RAPGEF6: variants seen among roughly 807,000 people sequenced by gnomAD.
RAPGEF6 encodes the protein Rap guanine nucleotide exchange factor 6, also known as PDZ domain containing guanine nucleotide exchange factor (GEF) 2.
RAPGEF6 carries 56 observed loss-of-function variants against 171.4 expected under a neutral mutation model. The observed-to-expected ratio is 0.33, with a 90% CI of 0.26 to 0.41. The LOEUF is 0.41. Ranked by LOEUF, RAPGEF6 falls within the 10% of genes least tolerant of loss-of-function variation. The probability of loss-of-function intolerance (pLI) is 1.00; values close to 1 mark genes in which losing one functional copy is unlikely to be tolerated. For synonymous variants in RAPGEF6, 692 were observed against 650.1 expected (o/e 1.06, Z -0.98); for missense variants, 1,674 against 1,921.4 (o/e 0.87, Z 2.41).
intron 1 of RAPGEF6, among the ~76,000 whole-genome samples, chr5:131,625,344 A>C (rs566104574): frequency 6.6e-6 from 1 of 152,308 alleles, no homozygotes; most frequent in Admixed American, 6.5e-5. Flanking sequence ...TTTATAGTTC[A>C]TTTCAAAGTT....
intron 3 of RAPGEF6, among the ~76,000 whole-genome samples, chr5:131,594,737 C>T (rs929843986): frequency 6.6e-6 from 1 of 152,168 alleles, no homozygotes; most frequent in South Asian, 2.1e-4. Context: ...TCAGGGTGCC[C>T]TGGATGTGAG....
At chr5:131,543,632 A>G (rs1185776154) in intron 6 of RAPGEF6, among the ~76,000 whole-genome samples, 2 of 152,186 alleles carry the variant, frequency 1.3e-5, no homozygotes, top group Non-Finnish European at 2.9e-5. Flanking sequence ...CGGTATTACA[A>G]TATCGTCATT....
intron 4 of RAPGEF6, among the ~76,000 whole-genome samples, chr5:131,583,082 G>A (rs1051613290): frequency 6.6e-6 from 1 of 152,150 alleles, no homozygotes; most frequent in Non-Finnish European, 1.5e-5. Context: ...GTCAATAACA[G>A]TCAACAACTC....
intron 1 of RAPGEF6, among the ~76,000 whole-genome samples, chr5:131,631,221 T>A (rs2150044222): frequency 6.6e-6 from 1 of 152,350 alleles, no homozygotes; most frequent in Non-Finnish European, 1.5e-5. Context: ...TTCTTAGTAA[T>A]ACAAATTTGT....
chr5:131,560,477 AG>A (rs1761529098), intron 5 of RAPGEF6, among the ~76,000 whole-genome samples: 1 of 152,268 alleles, frequency 6.6e-6, no homozygotes, highest in African/African-American at 2.4e-5. Context: ...AAGTAAAAGC[AG>A]TATTTCTTTT....
At chr5:131,558,254 C>T (rs1177675709) in intron 5 of RAPGEF6, among the ~76,000 whole-genome samples, 1 of 141,006 alleles carries the variant, frequency 7.1e-6, no homozygotes, top group Non-Finnish European at 1.5e-5. Context: ...TTGACTAAAA[C>T]TTCAAACTTA....
chr5:131,553,942 T>C (rs755937751), intron 5 of RAPGEF6, among the ~76,000 whole-genome samples: 3 of 148,328 alleles, frequency 2.0e-5, no homozygotes, highest in Admixed American at 6.7e-5. Flanking sequence ...AAGAAGATGA[T>C]AGAACAAGAC....
chr5:131,591,210 T>C (rs1024523873), intron 4 of RAPGEF6, among the ~76,000 whole-genome samples: 2 of 152,158 alleles, frequency 1.3e-5, no homozygotes, highest in Non-Finnish European at 2.9e-5. Flanking sequence ...AGTCTTACTT[T>C]AAAAGCCTAG....
At chr5:131,524,642 G>GAGAGAGAGAGAA (rs1278213860) in intron 6 of RAPGEF6, among the ~76,000 whole-genome samples, 3 of 144,924 alleles carry the variant, frequency 2.1e-5, no homozygotes, top group African/African-American at 8.0e-5. Flanking sequence ...GAGAGAGAGA[G>GAGAGAGAGAGAA]ACTTGCTCTG....
At chr5:131,614,058 G>C (rs1193786188) in intron 1 of RAPGEF6, among the ~76,000 whole-genome samples, 1 of 152,096 alleles carries the variant, frequency 6.6e-6, no homozygotes, top group Non-Finnish European at 1.5e-5. Context: ...GTGGTGGGTG[G>C]ATCACCTGAG....
intron 15 of RAPGEF6, among the ~76,000 whole-genome samples, chr5:131,482,301 T>A (rs745397356): frequency 7.2e-5 from 11 of 152,136 alleles, no homozygotes; most frequent in Admixed American, 7.2e-4. Flanking sequence ...TACATGTATA[T>A]ATGTACATTT....
At chr5:131,572,807 C>T (rs886935270) in intron 4 of RAPGEF6, among the ~76,000 whole-genome samples, 2 of 152,192 alleles carry the variant, frequency 1.3e-5, no homozygotes, top group East Asian at 1.9e-4. Flanking sequence ...TAACACCTGA[C>T]CTAAAACCTA....
intron 11 of RAPGEF6, among the ~76,000 whole-genome samples, chr5:131,503,323 C>T (rs1285623528): frequency 6.6e-6 from 1 of 152,174 alleles, no homozygotes; most frequent in African/African-American, 2.4e-5. Flanking sequence ...GATCTCTCTA[C>T]TGTTCTTGCA....
intron 4 of RAPGEF6, among the ~76,000 whole-genome samples, chr5:131,572,946 C>A (rs191707099): frequency 1.3e-5 from 2 of 152,194 alleles, no homozygotes; most frequent in African/African-American, 2.4e-5. Context: ...TCAAAAATTG[C>A]GCAAATGGTC....
chr5:131,623,477 C>CATTT (rs1554088737), intron 1 of RAPGEF6, among the ~76,000 whole-genome samples: 6 of 114,146 alleles, frequency 5.3e-5, no homozygotes, highest in Non-Finnish European at 7.2e-5. Flanking sequence ...TTTCACATTG[C>CATTT]TTTTTTTTTT....
Position 131,524,609 on chromosome 5 carries a change from TGAGAGAGAGAGAGAGAGAGAGA to T in RAPGEF6, c.496-3110_496-3089del, listed in dbSNP as rs55956395. The stretch of plus-strand genomic sequence containing the variant: ...GGAGAGGGAGGGGGGAGAGAGAGAT[TGAGAGAGAGAGAGAGAGAGAGA>T]GAGAGAGAGAGACTTGCTCTGTCAC... On this transcript the variant is annotated intron_variant, in intron 6 of 27. Coordinates refer to ENST00000509018, the MANE Select transcript of RAPGEF6 (RefSeq NM_016340.6). Among the ~76,000 whole-genome samples, 45 of 135,014 alleles carry T rather than the reference TGAGAGAGAGAGAGAGAGAGAGA, an allele frequency of 3.3e-4. No individual in the cohort carries two copies. In the East Asian group the frequency reaches 8.2e-3, roughly 25 times the overall value. 88.6% of individuals were successfully genotyped at this position (135,014 alleles called of 152,430 possible). A position where few individuals can be genotyped will look rare whatever the true frequency, so the allele number is the denominator to read the frequency against.
At chr5:131,453,695 T>C (rs1314434908) in intron 20 of RAPGEF6, among the ~76,000 whole-genome samples, 1 of 152,174 alleles carries the variant, frequency 6.6e-6, no homozygotes, top group East Asian at 1.9e-4. Flanking sequence ...CATGACCCCA[T>C]TTATCCCCCG....
At chr5:131,536,605 T>C (rs759831986) in intron 6 of RAPGEF6, among the ~76,000 whole-genome samples, 1 of 151,878 alleles carries the variant, frequency 6.6e-6, no homozygotes, top group Non-Finnish European at 1.5e-5. Context: ...TAGGGAGTAA[T>C]AGAGGAAGAA....
intron 13 of RAPGEF6, among the ~76,000 whole-genome samples, chr5:131,493,939 A>T (rs1477202630): frequency 6.6e-6 from 1 of 152,216 alleles, no homozygotes; most frequent in Non-Finnish European, 1.5e-5. Flanking sequence ...TGTATAGAGC[A>T]CATGTGCTGC....
Sources: allele counts gnomAD v4.1 joint callset (sites outside exome capture counted in the v4.1 genomes callset), GRCh38; gene constraint gnomAD v4.1.1; transcripts MANE v1.5; gene names NCBI Gene and HGNC (gene_info 2026-07-23, HGNC 2026-07-21).